The following TLE4 variants were observed in gnomAD, a reference collection of about 807,000 sequenced individuals.
The protein encoded by TLE4 is transducin-like enhancer protein 4.
A neutral mutation model predicts 92.8 loss-of-function variants in TLE4; 8 were observed. The ratio of observed to expected loss-of-function variants is 0.09; its 90% confidence interval spans 0.05 to 0.16. The LOEUF (loss-of-function observed/expected upper bound fraction) is 0.16. Ranked by LOEUF, TLE4 falls within the 10% of genes least tolerant of loss-of-function variation. The pLI, the probability that TLE4 is intolerant of heterozygous loss-of-function variation, is 1.00. For synonymous variants in TLE4, 371 were observed against 374.1 expected, an observed-to-expected ratio of 0.99 and a Z score of 0.10; for missense variants, 675 against 997.6, an observed-to-expected ratio of 0.68 and a Z score of 4.36.
At chr9:79,595,104 A>C (rs2043621343) in intron 4 of TLE4, among the ~76,000 whole-genome samples, 1 of 152,188 alleles carries the variant, frequency 6.6e-6, no homozygotes, top group South Asian at 2.1e-4. Flanking sequence ...CCCACCCTTA[A>C]GTAGTTTTTG....
intron 8 of TLE4, among the ~76,000 whole-genome samples, chr9:79,685,947 C>T (rs1184457457): frequency 6.6e-6 from 1 of 151,920 alleles, no homozygotes; most frequent in African/African-American, 2.4e-5. Context: ...TCCTCAGCTT[C>T]AACTAACCAC....
At chr9:79,687,145 A>G (rs1166376706) in intron 8 of TLE4, among the ~76,000 whole-genome samples, 5 of 152,202 alleles carry the variant, frequency 3.3e-5, no homozygotes, top group Non-Finnish European at 7.3e-5. Context: ...GCGTTTATGT[A>G]GCCTACATTC....
chr9:79,649,719 A>G lies in TLE4; in HGVS notation c.391-2874A>G. 3 of 981,068 alleles carry G rather than the reference A, an allele frequency of 3.1e-6. No individual in the cohort carries two copies. In the South Asian group the frequency reaches 4.5e-5, roughly 15 times the overall value. 60.8% of individuals were successfully genotyped at this position (981,068 alleles called of 1,614,324 possible). On this transcript the variant is annotated intron_variant, in intron 6 of 19. Transcript: ENST00000376552. Reference sequence around the variant, plus strand: ...TAGAATAAAACCAAACAAGGACCTCAGGAAGCCTTACTGTGAATGTCATGT... The same window carrying G: ...TAGAATAAAACCAAACAAGGACCTCGGGAAGCCTTACTGTGAATGTCATGT...
chr9:79,589,571 T>C (rs1200574676), intron 4 of TLE4, among the ~76,000 whole-genome samples: 1 of 152,064 alleles, frequency 6.6e-6, no homozygotes, highest in Non-Finnish European at 1.5e-5. Flanking sequence ...AGTGGAGGTA[T>C]TGGATTGGCA....
chr9:79,666,665 A>G (rs1017080129), intron 8 of TLE4, among the ~76,000 whole-genome samples: 3 of 152,262 alleles, frequency 2.0e-5, no homozygotes, highest in African/African-American at 7.2e-5. Context: ...AAAAGCAGTA[A>G]TAGAAATAAA....
At chr9:79,596,596 A>G (rs899283500) in intron 4 of TLE4, among the ~76,000 whole-genome samples, 1 of 151,346 alleles carries the variant, frequency 6.6e-6, no homozygotes, top group East Asian at 1.9e-4. Context: ...TCCCCTGTGT[A>G]GTATAAATTA....
chr9:79,716,705 C>T lies in TLE4; in HGVS notation c.1341-2017C>T, dbSNP rs184783399. Among the ~76,000 whole-genome samples the T allele has an allele frequency of 2.0e-5, 3 of 152,294 alleles. No individual in the cohort carries two copies. The East Asian group carries it at 5.8e-4, about 29-fold the overall frequency. The stretch of plus-strand genomic sequence containing the variant: ...TTCGTACCCATTCTTTATGTTGCAG[C>T]CCTATTGCCATTTTCTCTGTCCTTT... On this transcript the variant is annotated intron_variant, in intron 14 of 19. Transcript: ENST00000376552.
chr9:79,611,276 C>A (rs542845170), intron 4 of TLE4, among the ~76,000 whole-genome samples: 91 of 152,136 alleles, frequency 6.0e-4, no homozygotes, highest in African/African-American at 2.1e-3. Flanking sequence ...TAAATTAAAT[C>A]AGGTCAGCAC....
intron 6 of TLE4, among the ~76,000 whole-genome samples, chr9:79,628,766 A>T (rs2053362810): frequency 6.6e-6 from 1 of 152,176 alleles, no homozygotes; most frequent in Non-Finnish European, 1.5e-5. Flanking sequence ...GAAGGGACGG[A>T]TAGTAGAGAC....
chr9:79,602,961 C>G (rs780271007), intron 4 of TLE4, among the ~76,000 whole-genome samples: 1 of 152,080 alleles, frequency 6.6e-6, no homozygotes, highest in African/African-American at 2.4e-5. Flanking sequence ...GATTCCAACC[C>G]TCATGGATGC....
chr9:79,718,926 C>A lies in TLE4; in HGVS notation c.1545C>A (p.Ile515=). The change falls in exon 15 of 20, where the codon ATC becomes ATA. Residue 515 remains isoleucine, a synonymous_variant. Transcript: ENST00000376552. ...AGGGCTGCGTCAAGGTCTGGGACATCAGCCACCCAGGCAATAAGAGTCCTG... is the reference window on the plus strand; with the variant it reads ...AGGGCTGCGTCAAGGTCTGGGACATAAGCCACCCAGGCAATAAGAGTCCTG... ...GGKGCVKVWD[I]SHPGNKSPVS... 1 of 1,613,810 alleles carries A rather than the reference C, an allele frequency of 6.2e-7. No individual in the cohort carries two copies. Among genetic ancestry groups the A allele is most frequent in the Non-Finnish European group, 8.5e-7 (1 of 1,179,724 alleles).
intron 6 of TLE4, among the ~76,000 whole-genome samples, chr9:79,634,266 G>C (rs1007477469): frequency 7.2e-5 from 11 of 152,132 alleles, no homozygotes; most frequent in Non-Finnish European, 1.3e-4. Context: ...CTGTCAGCTT[G>C]CTGGTATTAC....
rs1186972594 is a variant in TLE4 at position 79,704,653 on chromosome 9, A to G, written c.610-130A>G. 18 of 1,237,412 alleles carry G rather than the reference A, an allele frequency of 1.5e-5. No homozygotes were observed. In the East Asian group the frequency reaches 2.2e-4, roughly 15 times the overall value. 76.7% of individuals were successfully genotyped at this position (1,237,412 alleles called of 1,614,324 possible). On this transcript the variant is annotated intron_variant, in intron 8 of 19. Transcript: ENST00000376552. Reference sequence around the variant, plus strand: ...CCTTTCGTCTCCTCCGCTTTCTCCTATCTCCTCTTAACAGCTTTGCAAGTA... The same window carrying G: ...CCTTTCGTCTCCTCCGCTTTCTCCTGTCTCCTCTTAACAGCTTTGCAAGTA...
Position 79,572,317 on chromosome 9 carries a change from C to CT in TLE4, c.-470dup, listed in dbSNP as rs2036038944. ...TCCGAACCAAAGGAGTTTGTGTTTGCTTTTAGGGAAGAAGAAAGATCATTC... is the reference window on the plus strand; with the variant it reads ...TCCGAACCAAAGGAGTTTGTGTTTGCTTTTTAGGGAAGAAGAAAGATCATTC... On this transcript the variant is annotated 5_prime_UTR_variant, in exon 1 of 20. Transcript: ENST00000376552. 1.3e-5 allele frequency: 2 copies of CT among 152,082 alleles called. No homozygotes were observed. The highest frequency in any genetic ancestry group is 2.4e-5 in the African/African-American group (1 of 41,426). The allele number at this position is 152,082 out of a possible 1,614,324, so 9.4% of individuals were successfully genotyped here. A position where few individuals can be genotyped will look rare whatever the true frequency, so the allele number is the denominator to read the frequency against.
At chr9:79,680,027 G>C (rs1274121715) in intron 8 of TLE4, among the ~76,000 whole-genome samples, 2 of 152,018 alleles carry the variant, frequency 1.3e-5, no homozygotes, top group East Asian at 3.8e-4. Flanking sequence ...TAGCCTTGTA[G>C]TATAGTTTGA....
intron 16 of TLE4, among the ~76,000 whole-genome samples, chr9:79,721,417 A>G (rs1484954879): frequency 6.6e-6 from 1 of 152,232 alleles, no homozygotes; most frequent in Non-Finnish European, 1.5e-5. Flanking sequence ...CTCAGAATAT[A>G]TCTTTAGTTA....
intron 6 of TLE4, among the ~76,000 whole-genome samples, chr9:79,652,377 C>A (rs546634757): frequency 6.6e-6 from 1 of 152,032 alleles, no homozygotes; most frequent in Admixed American, 6.5e-5. Flanking sequence ...TTAGTAGAGA[C>A]GGGATTTCAC....
At chr9:79,709,053 G>A (rs552735428) in intron 13 of TLE4, among the ~76,000 whole-genome samples, 6 of 152,164 alleles carry the variant, frequency 3.9e-5, no homozygotes, top group African/African-American at 7.2e-5. Flanking sequence ...GTCTGGTCTC[G>A]AACTCCTGGC....
chr9:79,603,506 G>A (rs1434310451), intron 4 of TLE4, among the ~76,000 whole-genome samples: 1 of 152,090 alleles, frequency 6.6e-6, no homozygotes, highest in East Asian at 1.9e-4. Flanking sequence ...AAATTATGGT[G>A]TATTGTGTGT....
Sources: allele counts gnomAD v4.1 joint callset (sites outside exome capture counted in the v4.1 genomes callset), GRCh38; gene constraint gnomAD v4.1.1; transcripts MANE v1.5; gene names NCBI Gene and HGNC (gene_info 2026-07-23, HGNC 2026-07-21).